The following PTPRD variants were observed in gnomAD, a reference collection of about 807,000 sequenced individuals.
PTPRD encodes the protein receptor-type tyrosine-protein phosphatase delta.
PTPRD carries 34 observed loss-of-function variants against 214.5 expected under a neutral mutation model. The ratio of observed to expected loss-of-function variants is 0.16; its 90% CI spans 0.12 to 0.21. The LOEUF is 0.21. Ranked by LOEUF, PTPRD falls within the 10% of genes least tolerant of loss-of-function variation. The pLI, the probability that PTPRD is intolerant of heterozygous loss-of-function variation, is 1.00. For missense variants in PTPRD, 2,545 were observed against 2,398.7 expected (o/e 1.06, Z -1.27); for synonymous variants, 1,128 against 845.7 (o/e 1.33, Z -5.79).
At chr9:9,765,660 TA>T (rs2098700696) in intron 6 of PTPRD, among the ~76,000 whole-genome samples, 1 of 152,172 alleles carries the variant, frequency 6.6e-6, no homozygotes, top group African/African-American at 2.4e-5. Context: ...TAAATTCTTT[TA>T]TTCGTTTATT....
intron 3 of PTPRD, among the ~76,000 whole-genome samples, chr9:10,112,148 A>G (rs1277841151): frequency 6.6e-6 from 1 of 152,316 alleles, no homozygotes; most frequent in East Asian, 1.9e-4. Flanking sequence ...TGTTTCTGGA[A>G]TTGACAAGCA....
intron 3 of PTPRD, among the ~76,000 whole-genome samples, chr9:10,173,429 G>C (rs1417485681): frequency 6.6e-6 from 1 of 152,082 alleles, no homozygotes; most frequent in Non-Finnish European, 1.5e-5. Context: ...GTAAGATGTA[G>C]GGTCAGAATT....
At chr9:9,246,497 C>G (rs1569565621) in intron 9 of PTPRD, among the ~76,000 whole-genome samples, 1 of 152,068 alleles carries the variant, frequency 6.6e-6, no homozygotes, top group Non-Finnish European at 1.5e-5. Context: ...CTTCCTGCCT[C>G]CACTCCCACA....
At chr9:9,327,146 G>A (rs750447056) in intron 9 of PTPRD, among the ~76,000 whole-genome samples, 2 of 152,006 alleles carry the variant, frequency 1.3e-5, no homozygotes, top group Non-Finnish European at 2.9e-5. Context: ...TGAAATTCTT[G>A]GTAAATTATT....
intron 8 of PTPRD, among the ~76,000 whole-genome samples, chr9:9,558,543 T>C (rs76647005): frequency 0.13 from 20,134 of 152,018 alleles, 1,785 homozygotes; most frequent in Non-Finnish European, 0.18. Context: ...AAGCCTGACA[T>C]ACAACTGGGA....
intron 32 of PTPRD, among the ~76,000 whole-genome samples, chr9:8,462,776 G>T (rs889464122): frequency 2.0e-5 from 3 of 151,704 alleles, no homozygotes; most frequent in African/African-American, 7.3e-5. Context: ...AAATAACACA[G>T]CTAAATTTTT....
chr9:9,034,244 T>C (rs1289624586), intron 10 of PTPRD, among the ~76,000 whole-genome samples: 1 of 152,140 alleles, frequency 6.6e-6, no homozygotes, highest in African/African-American at 2.4e-5. Context: ...TCTAGAGCTC[T>C]GTTAGGAATC....
At chr9:9,808,825 G>A (rs536819632) in intron 5 of PTPRD, among the ~76,000 whole-genome samples, 5 of 152,182 alleles carry the variant, frequency 3.3e-5, no homozygotes, top group South Asian at 2.1e-4. Flanking sequence ...AGGCTAGAAC[G>A]CAGTGGCTCA....
intron 3 of PTPRD, among the ~76,000 whole-genome samples, chr9:10,073,907 T>C (rs758180959): frequency 8.5e-5 from 13 of 152,164 alleles, no homozygotes; most frequent in Non-Finnish European, 1.6e-4. Context: ...TAATAGTTTA[T>C]AAATTGTATG....
At chr9:8,662,873 A>G (rs2097092673) in intron 12 of PTPRD, among the ~76,000 whole-genome samples, 1 of 152,112 alleles carries the variant, frequency 6.6e-6, no homozygotes, top group African/African-American at 2.4e-5. Flanking sequence ...TGATTATCTT[A>G]AAGGAAACCT....
intron 8 of PTPRD, among the ~76,000 whole-genome samples, chr9:9,529,933 C>G (rs934745682): frequency 2.6e-5 from 4 of 151,726 alleles, no homozygotes; most frequent in African/African-American, 7.3e-5. Flanking sequence ...TAAATAATAG[C>G]AACATCTGGA....
At chr9:9,433,601 C>A (rs532378486) in intron 8 of PTPRD, among the ~76,000 whole-genome samples, 167 of 152,168 alleles carry the variant, frequency 1.1e-3, no homozygotes, top group African/African-American at 3.9e-3. Context: ...TTTTCCCTAA[C>A]TTACTGGAAA....
rs1374340490 is a variant in PTPRD at position 9,215,935 on chromosome 9, G to A, written c.-202-32572C>T. On this transcript the variant is annotated intron_variant, in intron 9 of 45. Transcript: ENST00000381196. ...AAGTACTGTACACTCTGCTAGATGA[G>A]GGGCAAGAAATACCATAAACCATTT... Among the ~76,000 whole-genome samples the A allele has an allele frequency of 3.3e-5, 5 of 152,222 alleles. No homozygotes were observed. The East Asian group carries it at 7.8e-4, about 24-fold the overall frequency.
At chr9:9,136,316 T>G (rs1207703711) in intron 10 of PTPRD, among the ~76,000 whole-genome samples, 1 of 152,180 alleles carries the variant, frequency 6.6e-6, no homozygotes, top group Admixed American at 6.5e-5. Flanking sequence ...AATTACTTTA[T>G]TATAAGGTGT....
chr9:9,367,745 G>C (rs967497191), intron 9 of PTPRD, among the ~76,000 whole-genome samples: 1 of 151,632 alleles, frequency 6.6e-6, no homozygotes, highest in African/African-American at 2.4e-5. Flanking sequence ...GCTATCACAG[G>C]CTCACATATT....
intron 2 of PTPRD, among the ~76,000 whole-genome samples, chr9:10,362,505 T>G (rs1161103789): frequency 6.6e-6 from 1 of 152,054 alleles, no homozygotes; most frequent in East Asian, 1.9e-4. Context: ...TCTAGAGAAG[T>G]CTACTTCTTG....
intron 11 of PTPRD, among the ~76,000 whole-genome samples, chr9:8,812,347 T>G (rs1216749834): frequency 6.6e-6 from 1 of 152,224 alleles, no homozygotes; most frequent in Admixed American, 6.5e-5. Flanking sequence ...TAGAAAATAA[T>G]GTCAGTCATT....
chr9:9,955,595 C>G (rs2093847988), intron 4 of PTPRD, among the ~76,000 whole-genome samples: 1 of 150,526 alleles, frequency 6.6e-6, no homozygotes, highest in Non-Finnish European at 1.5e-5. Context: ...ACGATCTTGG[C>G]TAACTGCAAG....
intron 11 of PTPRD, among the ~76,000 whole-genome samples, chr9:8,975,483 T>C (rs1567344613): frequency 1.3e-5 from 2 of 152,084 alleles, no homozygotes; most frequent in African/African-American, 4.8e-5. Flanking sequence ...CTTGTCTATT[T>C]AATTACATGG....
Sources: gnomAD v4.1 joint callset for allele counts (sites outside exome capture counted in the v4.1 genomes callset) on GRCh38, gnomAD v4.1.1 for gene constraint, MANE v1.5 for transcripts, NCBI Gene and HGNC (gene_info 2026-07-23, HGNC 2026-07-21) for gene names.